KCNQ1: variants seen among roughly 807,000 people sequenced by gnomAD.
KCNQ1 encodes the protein potassium voltage-gated channel subfamily Q member 1, also known as potassium voltage-gated channel subfamily KQT member 1.
Under a neutral mutation model 72.4 loss-of-function variants are expected in KCNQ1, and 49 were observed. That is an observed-to-expected ratio of 0.68 (90% CI 0.54 to 0.86). KCNQ1 has a LOEUF of 0.86. Ranked by LOEUF, KCNQ1 falls within the 40% of genes least tolerant of loss-of-function variation. KCNQ1 has a pLI of 0.00. For synonymous variants in KCNQ1, 450 were observed against 412.6 expected, an observed-to-expected ratio of 1.09 and a Z score of -1.10; for missense variants, 790 against 945.1, an observed-to-expected ratio of 0.84 and a Z score of 2.15.
rs1846595429 is a variant in KCNQ1 at position 2,477,903 on chromosome 11, G to A, written c.386+32419G>A. 1.3e-5 allele frequency among the ~76,000 whole-genome samples: 2 copies of A among 152,182 alleles called. No individual in the cohort carries two copies. Among genetic ancestry groups the A allele is most frequent in the African/African-American group, 4.8e-5 (2 of 41,444 alleles). On this transcript the variant is annotated intron_variant, in intron 1 of 15. Coordinates refer to ENST00000155840, the MANE Select transcript of KCNQ1 (RefSeq NM_000218.3). This position sits in a 1 kb window ranked among gnomAD's most constrained non-coding sequence, Gnocchi z 5.0. ...ACGTTAGAATCAACAGGGCTGGAAG[G>A]CCATCAAGGAAACCCCGTGGCAGGG...
intron 11 of KCNQ1, chr11:2,699,655 A>AGAACCCCCGGGGAGAACCGCGCCGAT: frequency 2.8e-6 from 1 of 355,694 alleles, no homozygotes; most frequent in Non-Finnish European, 5.0e-6. Flanking sequence ...ACCGCGCCGA[A>AGAACCCCCGGGGAGAACCGCGCCGAT]GAACCCCCGG....
chr11:2,839,211 C>G (rs1229144614), intron 15 of KCNQ1, among the ~76,000 whole-genome samples: 1 of 152,196 alleles, frequency 6.6e-6, no homozygotes, highest in Non-Finnish European at 1.5e-5. Flanking sequence ...AGCTCCCTGG[C>G]CTCTGGGTGC....
chr11:2,793,449 G>A (rs1449553509), intron 15 of KCNQ1, among the ~76,000 whole-genome samples: 1 of 106,172 alleles, frequency 9.4e-6, no homozygotes, highest in East Asian at 1.9e-4. Flanking sequence ...GCGAGACCCT[G>A]TCTCTATGAA....
intron 3 of KCNQ1, among the ~76,000 whole-genome samples, 164 bp from the exon 4 acceptor site, chr11:2,571,161 T>C (rs2133728326): frequency 6.6e-6 from 1 of 152,288 alleles, no homozygotes; most frequent in East Asian, 1.9e-4. Flanking sequence ...TCCGTTTAGA[T>C]GCTGCCTGCC....
At chr11:2,699,281 A>C (rs903574012) in intron 11 of KCNQ1, 1 of 398,790 alleles carries the variant, frequency 2.5e-6, no homozygotes, top group Non-Finnish European at 4.4e-6. Context: ...GCCAGGCTGC[A>C]CTGCTGACGC....
At chr11:2,844,569 G>A (rs752258541) in intron 15 of KCNQ1, among the ~76,000 whole-genome samples, 3 of 152,204 alleles carry the variant, frequency 2.0e-5, no homozygotes, top group Non-Finnish European at 4.4e-5. Context: ...AAAGGTGGCT[G>A]AGTGCCTCTC....
intron 11 of KCNQ1, among the ~76,000 whole-genome samples, chr11:2,749,369 C>G (rs1049957854): frequency 5.3e-5 from 8 of 152,082 alleles, no homozygotes; most frequent in Non-Finnish European, 8.8e-5. Context: ...CAGTGTCACT[C>G]AGTCTGCACT....
At chr11:2,465,247 C>T (rs531758655) in intron 1 of KCNQ1, among the ~76,000 whole-genome samples, 1 of 152,334 alleles carries the variant, frequency 6.6e-6, no homozygotes, top group African/African-American at 2.4e-5. Flanking sequence ...GCAGTGCGAC[C>T]TCCTGGGCTC....
chr11:2,632,759 T>G lies in KCNQ1; in HGVS notation c.1394-29202T>G, dbSNP rs1849381737. 1.0e-5 allele frequency: 4 copies of G among 398,438 alleles called. No individual in the cohort carries two copies. The East Asian group carries it at 1.4e-4, about 14-fold the overall frequency. 24.7% of individuals were successfully genotyped at this position (398,438 alleles called of 1,614,324 possible). On this transcript the variant is annotated intron_variant, in intron 10 of 15. Transcript: ENST00000155840. ...TGCTGTGAATGACAGGACTTAATGC[T>G]TTATTATGACTGAATAATATTCCAT...
At chr11:2,571,031 G>A (rs539522103) in intron 3 of KCNQ1, among the ~76,000 whole-genome samples, 19 of 152,280 alleles carry the variant, frequency 1.2e-4, no homozygotes, top group African/African-American at 3.1e-4. Flanking sequence ...AGTCACCCTC[G>A]GCAGCCTGAG....
At chr11:2,660,477 G>C (rs1849932022) in intron 10 of KCNQ1, 1 of 398,462 alleles carries the variant, frequency 2.5e-6, no homozygotes, top group African/African-American at 2.1e-5. Context: ...AAAACAGACT[G>C]GGGAAGCTAT....
At position 2,546,526 on chromosome 11, in the gene KCNQ1, A is replaced by G. The variant is rs567644347; in HGVS notation, c.477+18508A>G. On this transcript the variant is annotated intron_variant, in intron 2 of 15. Transcript: ENST00000155840. Reference sequence around the variant, plus strand: ...TACTGATTTTGTATCTACTTGTTCTATTAATTCATTCTTGGGAGAAGGATG... The same window carrying G: ...TACTGATTTTGTATCTACTTGTTCTGTTAATTCATTCTTGGGAGAAGGATG... Among the ~76,000 whole-genome samples, 101 of 152,250 alleles carry G rather than the reference A, an allele frequency of 6.6e-4. 2 individuals carry two copies. The highest frequency in any genetic ancestry group is 2.3e-3 in the South Asian group (11 of 4,824).
intron 15 of KCNQ1, among the ~76,000 whole-genome samples, chr11:2,804,027 A>G (rs1238897884): frequency 2.0e-5 from 3 of 152,240 alleles, no homozygotes; most frequent in East Asian, 3.9e-4. Context: ...AGGGGAAAGG[A>G]CGGGATGGCG....
intron 7 of KCNQ1, among the ~76,000 whole-genome samples, chr11:2,583,916 T>C (rs1265234174): frequency 6.6e-6 from 1 of 152,190 alleles, no homozygotes; most frequent in Non-Finnish European, 1.5e-5. Context: ...TGGGGGGGTT[T>C]TGTTCCATGT....
intron 11 of KCNQ1, among the ~76,000 whole-genome samples, chr11:2,754,240 G>T (rs571607458): frequency 6.6e-6 from 1 of 152,356 alleles, no homozygotes; most frequent in Non-Finnish European, 1.5e-5. Context: ...CCCTGGAGGG[G>T]TGTGCCCATT....
rs775732261 is a variant in KCNQ1, at chr11:2,809,439, G to A, written c.1794+31402G>A. Among the ~76,000 whole-genome samples the A allele has an allele frequency of 9.2e-5, 14 of 152,150 alleles. No individual in the cohort carries two copies. Among genetic ancestry groups the A allele is most frequent in the Non-Finnish European group, 2.1e-4 (14 of 68,028 alleles). On this transcript the variant is annotated intron_variant, in intron 15 of 15. Transcript: ENST00000155840. This position sits in a 1 kb window ranked among gnomAD's most constrained non-coding sequence, Gnocchi z 7.1. The stretch of plus-strand genomic sequence containing the variant: ...AGCACGTGTTCATTTATGGGTTGTT[G>A]TTACCGTGGCATTGGTCCAGGTTTG...
At position 2,593,004 on chromosome 11, in the gene KCNQ1, C is replaced by A. The variant is rs914227810; in HGVS notation, c.1393+4150C>A. 6.6e-6 allele frequency among the ~76,000 whole-genome samples: 1 copy of A among 152,220 alleles called. No individual in the cohort carries two copies. The highest frequency in any genetic ancestry group is 2.4e-5 in the African/African-American group (1 of 41,466). ...CCGCCTCCATCCTGAGCTGCCTACCCTGCCCCTCCTCCACTCCAGTTGTCT... is the reference window on the plus strand; with the variant it reads ...CCGCCTCCATCCTGAGCTGCCTACCATGCCCCTCCTCCACTCCAGTTGTCT... On this transcript the variant is annotated intron_variant, in intron 10 of 15. Coordinates refer to ENST00000155840, the MANE Select transcript of KCNQ1 (RefSeq NM_000218.3). This position sits in a 1 kb window ranked among gnomAD's most constrained non-coding sequence, Gnocchi z 6.9.
rs922224609 is a variant in KCNQ1, at chr11:2,686,130, G to A, written c.1514+24049G>A. 48 of 398,638 alleles carry A rather than the reference G, an allele frequency of 1.2e-4. No individual in the cohort carries two copies. The Admixed American group carries it at 1.2e-3, about 10-fold the overall frequency. The allele number at this position is 398,638 out of a possible 1,614,324, so 24.7% of individuals were successfully genotyped here. On this transcript the variant is annotated intron_variant, in intron 11 of 15. Transcript: ENST00000155840. ...AAAGTGTAGGCCTTTGCCCTGTCTC[G>A]CCCCCTTGCTTCTGGGGTTTGCTTC...
intron 15 of KCNQ1, among the ~76,000 whole-genome samples, chr11:2,801,059 G>A (rs1045358256): frequency 2.0e-5 from 3 of 152,200 alleles, no homozygotes; most frequent in Admixed American, 6.5e-5. Flanking sequence ...TGGGTGCAGG[G>A]CTGGGGCAGG....
Sources: allele counts gnomAD v4.1 joint callset (sites outside exome capture counted in the v4.1 genomes callset), GRCh38; gene constraint gnomAD v4.1.1; non-coding constraint Gnocchi (gnomAD v3.1); transcripts MANE v1.5; gene names NCBI Gene and HGNC (gene_info 2026-07-23, HGNC 2026-07-21).